Variants in TPCN2 observed in about 807,000 individuals in gnomAD.
TPCN2 encodes two pore segment channel 2, also known as two pore channel protein 2.
TPCN2 carries 92 observed loss-of-function variants against 111.4 expected under a neutral mutation model. The ratio of observed to expected loss-of-function variants is 0.83; its 90% CI spans 0.70 to 0.98. TPCN2 has a LOEUF of 0.98. TPCN2 is among the 50% of genes least tolerant of loss of function. TPCN2 has a pLI of 0.00. For synonymous variants in TPCN2, 405 were observed against 414.5 expected (o/e 0.98, Z 0.28); for missense variants, 995 against 980.1 (o/e 1.02, Z -0.20).
chr11:69,080,219 C>G (rs2290418), intron 17 of TPCN2, among the ~76,000 whole-genome samples: 3,982 of 152,348 alleles, frequency 0.026, 386 homozygotes, highest in East Asian at 0.21. Context: ...TGGCTCAGGT[C>G]TCAGGGGACC....
intron 9 of TPCN2, among the ~76,000 whole-genome samples, chr11:69,071,124 CCCCAGGGA>C (rs1186033947): frequency 1.1e-4 from 17 of 151,172 alleles, no homozygotes; most frequent in Non-Finnish European, 1.5e-5. Context: ...AACAGCTTCA[CCCCAGGGA>C]TCCCCCACCA....
intron 8 of TPCN2, among the ~76,000 whole-genome samples, chr11:69,070,079 C>T (rs1855455770): frequency 6.7e-6 from 1 of 150,194 alleles, no homozygotes; most frequent in African/African-American, 2.5e-5. Flanking sequence ...GACTGGAGTG[C>T]AGTGGTGCAG....
chr11:69,085,200 G>A lies in TPCN2; in HGVS notation c.1762-10G>A. ...TGGGGCTGATCAGTCCCCGGCTCCT[G>A]GCCCGCCAGGTGGTCTACTACGTAT... On this transcript the variant is annotated splice_polypyrimidine_tract_variant and intron_variant, in intron 19 of 24. Transcript: ENST00000294309. The A allele has an allele frequency of 6.2e-7, 1 of 1,614,018 alleles. No individual in the cohort carries two copies. The highest frequency in any genetic ancestry group is 8.5e-7 in the Non-Finnish European group (1 of 1,179,912).
At chr11:69,084,835 AGGCCCAGAAAGG>A in intron 19 of TPCN2, 13 of 980,316 alleles carry the variant, frequency 1.3e-5, no homozygotes, top group Non-Finnish European at 1.6e-5. Flanking sequence ...GAGGAAACTG[AGGCCCAGAAAGG>A]GGACCAGGTT....
chr11:69,072,790 G>T (rs1028664321), intron 12 of TPCN2, 82 bp downstream of exon 12: 1 of 1,573,418 alleles, frequency 6.4e-7, no homozygotes, highest in Non-Finnish European at 8.7e-7. Flanking sequence ...AGGACTAGGG[G>T]TGTGGCTTCA....
intron 7 of TPCN2, among the ~76,000 whole-genome samples, chr11:69,065,266 C>T (rs1191985507): frequency 6.6e-6 from 1 of 152,184 alleles, no homozygotes; most frequent in East Asian, 1.9e-4. Context: ...GTGACCCCTG[C>T]AGTAGCGCTG....
rs1398165913 is a variant in TPCN2 at position 69,088,342 on chromosome 11, A to G, written c.*389A>G. 1 of 189,322 alleles carries G rather than the reference A, an allele frequency of 5.3e-6. No individual in the cohort carries two copies. Among genetic ancestry groups the G allele is most frequent in the East Asian group, 1.3e-4 (1 of 7,504 alleles). The allele number at this position is 189,322 out of a possible 1,614,324, so 11.7% of individuals were successfully genotyped here. On this transcript the variant is annotated 3_prime_UTR_variant, in exon 25 of 25. Coordinates refer to ENST00000294309, the MANE Select transcript of TPCN2 (RefSeq NM_139075.4). Reference sequence around the variant, plus strand: ...GCCTGACCAGGGCCTGCACAGGTTAACCGTCAGACTTCCGGGGCATTCAGG... The same window carrying G: ...GCCTGACCAGGGCCTGCACAGGTTAGCCGTCAGACTTCCGGGGCATTCAGG...
rs1029920308 is a variant in TPCN2 at position 69,071,864 on chromosome 11, T to G, written c.961-59T>G. ...GCCTGTTCCCCAGGGGAGGGAAGGG[T>G]CGGGGGTTCTGAGCTGGGGGAGGGC... is the stretch of plus-strand genomic sequence containing the variant. On this transcript the variant is annotated intron_variant, in intron 10 of 24. Coordinates refer to ENST00000294309, the MANE Select transcript of TPCN2 (RefSeq NM_139075.4). 4.0e-6 allele frequency: 6 copies of G among 1,504,632 alleles called. No individual in the cohort carries two copies. The African/African-American group carries it at 6.9e-5, about 17-fold the overall frequency. 93.2% of individuals were successfully genotyped at this position (1,504,632 alleles called of 1,614,324 possible).
At chr11:69,085,509 G>A (rs1348260644) in intron 20 of TPCN2, among the ~76,000 whole-genome samples, 162 bp from the exon 21 acceptor site, 1 of 151,492 alleles carries the variant, frequency 6.6e-6, no homozygotes, top group African/African-American at 2.4e-5. Flanking sequence ...CACATTTCTC[G>A]TGGCCTGCTC....
At chr11:69,082,899 G>C (rs7118834) in intron 18 of TPCN2, among the ~76,000 whole-genome samples, 1 of 60,282 alleles carries the variant, frequency 1.7e-5, no homozygotes, top group Non-Finnish European at 3.8e-5. Context: ...CACACATCGC[G>C]TGCAGATATC....
chr11:69,079,864 C>G lies in TPCN2; in HGVS notation c.1570C>G (p.Arg524Gly), dbSNP rs145186935. Reference sequence around the variant, plus strand: ...GGAGATCTCAACTCTGGCTGTGTACCGATTGCCACACCCAGGCTGGTATGT... The same window carrying G: ...GGAGATCTCAACTCTGGCTGTGTACGGATTGCCACACCCAGGCTGGTATGT... ...VLEISTLAVY[R>G]LPHPGWRPEM... is the part of the protein sequence containing the mutation. Residue 524 changes from arginine to glycine, a missense_variant, in exon 17 of 25, where the codon CGA becomes GGA. Transcript: ENST00000294309. The G allele has an allele frequency of 6.2e-7, 1 of 1,613,706 alleles. No individual in the cohort carries two copies. Among genetic ancestry groups the G allele is most frequent in the East Asian group, 2.2e-5 (1 of 44,874 alleles).
intron 13 of TPCN2, among the ~76,000 whole-genome samples, chr11:69,076,627 G>A (rs112305069): frequency 0.077 from 1,044 of 13,528 alleles, 47 homozygotes; most frequent in East Asian, 0.3. Flanking sequence ...GCCCTCCTGC[G>A]GTGTCCCTCC....
intron 9 of TPCN2, 68 bp from the exon 10 acceptor site, chr11:69,071,288 G>A (rs899830171): frequency 1.4e-5 from 18 of 1,316,798 alleles, no homozygotes; most frequent in African/African-American, 1.3e-4. Context: ...ATCCTGTGCC[G>A]GCCACCCTTG....
chr11:69,071,428 A>C lies in TPCN2; in HGVS notation c.960+8A>C. On this transcript the variant is annotated splice_region_variant and intron_variant, in intron 10 of 24. Coordinates refer to ENST00000294309, the MANE Select transcript of TPCN2 (RefSeq NM_139075.4). ...TTCCGGGGCTACCTGATGGTGAGCG[A>C]GCTCCCCAATGCTGGCTGTGCCTGG... 6.2e-7 allele frequency: 1 copy of C among 1,610,948 alleles called. No individual in the cohort carries two copies. The highest frequency in any genetic ancestry group is 8.5e-7 in the Non-Finnish European group (1 of 1,178,152).
chr11:69,070,902 AGG>A, intron 9 of TPCN2, among the ~76,000 whole-genome samples: 1 of 98,094 alleles, frequency 1.0e-5, no homozygotes, highest in African/African-American at 4.1e-5. Flanking sequence ...GCTTCACCCC[AGG>A]GATCCCTCAC....
intron 19 of TPCN2, chr11:69,084,978 T>A: frequency 3.2e-6 from 1 of 310,264 alleles, no homozygotes; most frequent in Non-Finnish European, 4.7e-6. Flanking sequence ...CCTAATTCCC[T>A]TAGGAGCTCC....
At chr11:69,086,885 T>A (rs1021922165) in intron 23 of TPCN2, among the ~76,000 whole-genome samples, 1 of 151,600 alleles carries the variant, frequency 6.6e-6, no homozygotes, top group African/African-American at 2.4e-5. Context: ...GCTCCTGACA[T>A]CTGGGCTGTG....
At chr11:69,079,178 A>G (rs1379896623) in intron 16 of TPCN2, 158 bp downstream of exon 16, 4 of 942,890 alleles carry the variant, frequency 4.2e-6, no homozygotes, top group Non-Finnish European at 6.1e-6. Context: ...CTGCTGGCCG[A>G]GTTGCTCAGT....
At chr11:69,065,549 C>T (rs577593794) in intron 7 of TPCN2, among the ~76,000 whole-genome samples, 63 of 152,296 alleles carry the variant, frequency 4.1e-4, no homozygotes, top group African/African-American at 1.4e-3. Flanking sequence ...TTGAGAGGAG[C>T]GTGGGATGGT....
Sources: gnomAD v4.1 joint callset for allele counts (sites outside exome capture counted in the v4.1 genomes callset) on GRCh38, gnomAD v4.1.1 for gene constraint, MANE v1.5 for transcripts, NCBI Gene and HGNC (gene_info 2026-07-23, HGNC 2026-07-21) for gene names.